The following AFF4 variants were observed in gnomAD, a reference collection of about 807,000 sequenced individuals.
AFF4 encodes the protein AF4/FMR2 family member 4.
In AFF4, 13 loss-of-function variants were observed where a neutral mutation model predicts 124.8. The ratio of observed to expected loss-of-function variants is 0.10; its 90% CI spans 0.07 to 0.17. AFF4 has a LOEUF of 0.17. AFF4 is among the 10% of genes least tolerant of loss of function. AFF4 has a pLI of 1.00. For synonymous variants in AFF4, 477 were observed against 496.1 expected (o/e 0.96, Z 0.51); for missense variants, 1,092 against 1,403.8 (o/e 0.78, Z 3.55).
intron 18 of AFF4, 92 bp downstream of exon 18, chr5:132,886,218 T>G (rs746397529): frequency 9.1e-6 from 10 of 1,093,136 alleles, no homozygotes; most frequent in Admixed American, 4.3e-5. Flanking sequence ...CCTGGTGTGT[T>G]TTGCATAAAC....
At chr5:132,931,446 C>T (rs1761298367) in intron 4 of AFF4, among the ~76,000 whole-genome samples, 1 of 151,860 alleles carries the variant, frequency 6.6e-6, no homozygotes, top group Non-Finnish European at 1.5e-5. Context: ...AATAAATGTG[C>T]AAAACTGGAA....
intron 10 of AFF4, 88 bp downstream of exon 10, chr5:132,898,142 T>C (rs1760455610): frequency 6.8e-7 from 1 of 1,478,602 alleles, no homozygotes; most frequent in African/African-American, 1.4e-5. Flanking sequence ...TCTTTCCTTC[T>C]CCTTTTATAT....
At chr5:132,910,496 T>C (rs1399289773) in intron 5 of AFF4, among the ~76,000 whole-genome samples, 1 of 152,204 alleles carries the variant, frequency 6.6e-6, no homozygotes, top group Non-Finnish European at 1.5e-5. Flanking sequence ...CTCCCTTCTC[T>C]GTCCTCTCAT....
At chr5:132,928,825 T>C (rs1397734918) in intron 4 of AFF4, among the ~76,000 whole-genome samples, 2 of 152,186 alleles carry the variant, frequency 1.3e-5, no homozygotes, top group African/African-American at 2.4e-5. Flanking sequence ...GCACTTGATA[T>C]ATTACTACTT....
At chr5:132,933,106 T>C (rs1761337660) in intron 3 of AFF4, among the ~76,000 whole-genome samples, 1 of 152,050 alleles carries the variant, frequency 6.6e-6, no homozygotes. Flanking sequence ...CATTAAAAGA[T>C]AAAATTTGGG....
intron 1 of AFF4, among the ~76,000 whole-genome samples, chr5:132,938,320 C>T (rs1458613442): frequency 1.3e-5 from 2 of 150,412 alleles, no homozygotes; most frequent in South Asian, 2.1e-4. Flanking sequence ...GGCTGGAGTG[C>T]GGTGGTGCGA....
At chr5:132,953,576 A>G (rs1413301298) in intron 1 of AFF4, among the ~76,000 whole-genome samples, 1 of 152,090 alleles carries the variant, frequency 6.6e-6, no homozygotes, top group African/African-American at 2.4e-5. Context: ...CTCAATCTTA[A>G]TACATCTAAA....
chr5:132,940,498 C>G (rs1761542919), intron 1 of AFF4, among the ~76,000 whole-genome samples: 2 of 150,818 alleles, frequency 1.3e-5, no homozygotes, highest in Non-Finnish European at 2.9e-5. Flanking sequence ...GAGACTCCGT[C>G]TCAAAAAAAA....
rs1760281762 is a variant in AFF4, at chr5:132,892,296, A to G, written c.2505T>C (p.Ile835=). The part of the protein sequence containing the change: ...KTEHGSRKRT[I]SQSSSLKSSS... ...TTGACTTTAAGGAAGAAGACTGACT[A>G]ATAGTCCTCTTCCGAGAGCCATGCT... The change falls in exon 13 of 21, where the codon ATT becomes ATC. Residue 835 remains isoleucine, a synonymous_variant. Coordinates refer to ENST00000265343, the MANE Select transcript of AFF4 (RefSeq NM_014423.4). 1 of 1,614,034 alleles carries G rather than the reference A, an allele frequency of 6.2e-7. No individual in the cohort carries two copies. Among genetic ancestry groups the G allele is most frequent in the Non-Finnish European group, 8.5e-7 (1 of 1,180,040 alleles).
intron 1 of AFF4, among the ~76,000 whole-genome samples, chr5:132,940,702 C>A (rs566007446): frequency 6.6e-6 from 1 of 152,126 alleles, no homozygotes; most frequent in African/African-American, 2.4e-5. Context: ...ACTTATAAGG[C>A]TACCAGGAAG....
chr5:132,919,147 A>G (rs1033276027), intron 5 of AFF4, among the ~76,000 whole-genome samples: 3 of 152,158 alleles, frequency 2.0e-5, no homozygotes, highest in Non-Finnish European at 4.4e-5. Context: ...CGGCCTCCCA[A>G]ATTGCTGGGA....
chr5:132,892,049 A>C, intron 13 of AFF4, 115 bp downstream of exon 13: 192 of 1,335,708 alleles, frequency 1.4e-4, no homozygotes, highest in Non-Finnish European at 1.9e-4. Flanking sequence ...GGTAAAAGAC[A>C]TAGGCCTATA....
At chr5:132,927,366 A>C in intron 4 of AFF4, 159 bp from the exon 5 acceptor site, 1 of 590,870 alleles carries the variant, frequency 1.7e-6, no homozygotes, top group African/African-American at 1.9e-5. Flanking sequence ...TGTGCTAGGC[A>C]CTATGGTGTA....
At position 132,901,191 on chromosome 5, in the gene AFF4, T is replaced by C. The variant is rs558854601; in HGVS notation, c.1133+1251A>G. On this transcript the variant is annotated intron_variant, in intron 7 of 20. Transcript: ENST00000265343. Reference sequence around the variant, plus strand: ...GCCTTTATGATTTAACAATGGCAGCTCAATGAACTTGTTTACACATGTGAA... The same window carrying C: ...GCCTTTATGATTTAACAATGGCAGCCCAATGAACTTGTTTACACATGTGAA... 1.0e-4 allele frequency: 98 copies of C among 976,266 alleles called. No homozygotes were observed. In the African/African-American group the frequency reaches 1.7e-3, roughly 17 times the overall value. 60.5% of individuals were successfully genotyped at this position (976,266 alleles called of 1,614,324 possible). A position where few individuals can be genotyped will look rare whatever the true frequency, so the allele number is the denominator to read the frequency against.
At position 132,892,298 on chromosome 5, in the gene AFF4, T is replaced by C. The variant is rs1259230742; in HGVS notation, c.2503A>G (p.Ile835Val). ...GACTTTAAGGAAGAAGACTGACTAA[T>C]AGTCCTCTTCCGAGAGCCATGCTCT... The part of the protein sequence containing the change: ...KTEHGSRKRT[I>V]SQSSSLKSSS... The change falls in exon 13 of 21, where the codon ATT becomes GTT. Residue 835 changes from isoleucine to valine, a missense_variant. Ile to Val is a conservative substitution (Grantham distance 29, BLOSUM62 3). This residue lies in a region of AFF4 where 293 missense variants were observed against 280.2 expected (regional missense o/e 1.05). Transcript: ENST00000265343. 6 of 1,614,026 alleles carry C rather than the reference T, an allele frequency of 3.7e-6. No individual in the cohort carries two copies. Among genetic ancestry groups the C allele is most frequent in the South Asian group, 2.2e-5 (2 of 91,088 alleles).
intron 5 of AFF4, among the ~76,000 whole-genome samples, chr5:132,908,129 T>A (rs1760711373): frequency 6.6e-6 from 1 of 151,856 alleles, no homozygotes; most frequent in South Asian, 2.1e-4. Flanking sequence ...TTTTTTTTTT[T>A]AATCATATAC....
chr5:132,918,193 G>T (rs1248078880), intron 5 of AFF4, among the ~76,000 whole-genome samples: 1 of 151,872 alleles, frequency 6.6e-6, no homozygotes, highest in Non-Finnish European at 1.5e-5. Context: ...AGGAGTTCGA[G>T]ACTATCCTGG....
At chr5:132,907,982 C>T (rs1053763730) in intron 5 of AFF4, among the ~76,000 whole-genome samples, 2 of 152,152 alleles carry the variant, frequency 1.3e-5, no homozygotes, top group African/African-American at 4.8e-5. Flanking sequence ...TACATCTGCA[C>T]ATTGTGAGGA....
chr5:132,886,188 T>G, intron 18 of AFF4, 122 bp downstream of exon 18: 1 of 793,186 alleles, frequency 1.3e-6, no homozygotes, highest in Non-Finnish European at 2.0e-6. Context: ...ATTTGAAAAG[T>G]CCCAAACAGT....
Sources: allele counts gnomAD v4.1 joint callset (sites outside exome capture counted in the v4.1 genomes callset), GRCh38; gene constraint gnomAD v4.1.1; regional missense constraint gnomAD v4.1.1; transcripts MANE v1.5; gene names NCBI Gene and HGNC (gene_info 2026-07-23, HGNC 2026-07-21).